The following KIF26B variants were observed in gnomAD, a reference collection of about 807,000 sequenced individuals.
KIF26B encodes the protein kinesin-like protein KIF26B.
Under a neutral mutation model 151.2 loss-of-function variants are expected in KIF26B, and 63 were observed. The observed-to-expected ratio is 0.42, with a 90% CI of 0.34 to 0.51. The LOEUF (loss-of-function observed/expected upper bound fraction) is 0.51. KIF26B is among the 20% of genes least tolerant of loss of function. KIF26B has a pLI of 0.07. For synonymous variants in KIF26B, 1,357 were observed against 1,262.1 expected, an observed-to-expected ratio of 1.08 and a Z score of -1.59; for missense variants, 2,813 against 2,913.6, an observed-to-expected ratio of 0.97 and a Z score of 0.79.
intron 2 of KIF26B, among the ~76,000 whole-genome samples, chr1:245,193,030 C>CAAAA (rs1669136957): frequency 2.0e-5 from 3 of 152,206 alleles, no homozygotes; most frequent in African/African-American, 7.2e-5. Context: ...TTTTGAGACT[C>CAAAA]ACCCTTCTCT....
At chr1:245,286,798 T>G (rs1332840042) in intron 2 of KIF26B, among the ~76,000 whole-genome samples, 1 of 152,122 alleles carries the variant, frequency 6.6e-6, no homozygotes, top group Non-Finnish European at 1.5e-5. Flanking sequence ...TCCAAAACAT[T>G]AAAAATTTCA....
intron 5 of KIF26B, among the ~76,000 whole-genome samples, chr1:245,561,479 G>A (rs1483431749): frequency 6.6e-6 from 1 of 152,214 alleles, no homozygotes; most frequent in African/African-American, 2.4e-5. Flanking sequence ...CTTCTTACCT[G>A]TAATTCTGAC....
At chr1:245,380,767 C>T (rs1024033931) in intron 3 of KIF26B, among the ~76,000 whole-genome samples, 1 of 152,062 alleles carries the variant, frequency 6.6e-6, no homozygotes, top group South Asian at 2.1e-4. Context: ...GAGGGTTACC[C>T]ACCGCACACA....
At chr1:245,629,675 T>C (rs115759069) in intron 9 of KIF26B, among the ~76,000 whole-genome samples, 4,375 of 152,204 alleles carry the variant, frequency 0.029, 211 homozygotes, top group African/African-American at 0.099. Context: ...AGCCAGGACA[T>C]AGGCAGAGGC....
intron 2 of KIF26B, among the ~76,000 whole-genome samples, chr1:245,165,331 AGT>A (rs1668598447): frequency 6.6e-6 from 1 of 152,138 alleles, no homozygotes; most frequent in African/African-American, 2.4e-5. Flanking sequence ...GGCCAGGGAA[AGT>A]GTGTGGGTGG....
At position 245,208,626 on chromosome 1, in the gene KIF26B, G is replaced by A. The variant is rs189978667; in HGVS notation, c.465+51943G>A. On this transcript the variant is annotated intron_variant, in intron 2 of 14. Coordinates refer to ENST00000407071, the MANE Select transcript of KIF26B (RefSeq NM_018012.4). The stretch of plus-strand genomic sequence containing the variant: ...AAGCGGATGTCGATAGTGAGAAAAC[G>A]AGACTTCTTTGCCTTTCCTTTGCTT... Among the ~76,000 whole-genome samples the A allele has an allele frequency of 2.3e-3, 354 of 152,316 alleles. 4 individuals carry two copies. Among genetic ancestry groups the A allele is most frequent in the African/African-American group, 8.0e-3 (332 of 41,570 alleles).
intron 5 of KIF26B, among the ~76,000 whole-genome samples, chr1:245,567,279 A>G (rs2043019220): frequency 6.6e-6 from 1 of 152,168 alleles, no homozygotes; most frequent in African/African-American, 2.4e-5. Flanking sequence ...GATTTATTCC[A>G]TTGTGTGGAA....
chr1:245,578,410 T>C (rs2043145791), intron 5 of KIF26B, among the ~76,000 whole-genome samples: 1 of 152,230 alleles, frequency 6.6e-6, no homozygotes, highest in Non-Finnish European at 1.5e-5. Flanking sequence ...CACTTTTGCT[T>C]AAGCTGTAAC....
chr1:245,514,260 C>T (rs971655124), intron 4 of KIF26B, among the ~76,000 whole-genome samples: 1 of 152,282 alleles, frequency 6.6e-6, no homozygotes, highest in African/African-American at 2.4e-5. Flanking sequence ...GGCGCAGTGG[C>T]TCACACCTGT....
At position 245,255,535 on chromosome 1, in the gene KIF26B, T is replaced by C. The variant is rs558487784; in HGVS notation, c.465+98852T>C. Reference sequence around the variant, plus strand: ...ATTCTCAAAAGCACTTTGTACATCATGTGATTTGTATGTTTTTTGCTTGGT... The same window carrying C: ...ATTCTCAAAAGCACTTTGTACATCACGTGATTTGTATGTTTTTTGCTTGGT... On this transcript the variant is annotated intron_variant, in intron 2 of 14. Transcript: ENST00000407071. Among the ~76,000 whole-genome samples, 9 of 152,340 alleles carry C rather than the reference T, an allele frequency of 5.9e-5. No homozygotes were observed. In the South Asian group the frequency reaches 1.9e-3, roughly 32 times the overall value.
chr1:245,623,034 T>G (rs1467605420), intron 9 of KIF26B, among the ~76,000 whole-genome samples: 7 of 149,264 alleles, frequency 4.7e-5, no homozygotes, highest in Non-Finnish European at 1.0e-4. Context: ...AAGTTTTTTT[T>G]TTTTTTTTTT....
At chr1:245,550,147 CGT>C (rs1661843815) in intron 5 of KIF26B, among the ~76,000 whole-genome samples, 1 of 152,292 alleles carries the variant, frequency 6.6e-6, no homozygotes, top group East Asian at 1.9e-4. Flanking sequence ...CCTCAGTCTG[CGT>C]CTGTGTTCTG....
chr1:245,409,162 A>T (rs970510188), intron 3 of KIF26B, among the ~76,000 whole-genome samples: 22 of 152,256 alleles, frequency 1.4e-4, no homozygotes, highest in South Asian at 4.1e-4. Flanking sequence ...ATTCACATGC[A>T]TATGTGCAAA....
chr1:245,659,765 G>A (rs768240608), intron 10 of KIF26B, among the ~76,000 whole-genome samples: 2 of 152,104 alleles, frequency 1.3e-5, no homozygotes, highest in Admixed American at 6.5e-5. Flanking sequence ...TAGGCCGGGC[G>A]CGGTGGCTCA....
At chr1:245,543,389 C>G (rs760381252) in intron 5 of KIF26B, among the ~76,000 whole-genome samples, 12 of 152,204 alleles carry the variant, frequency 7.9e-5, no homozygotes, top group Non-Finnish European at 1.0e-4. Context: ...GTTTGCATTT[C>G]ACACTTTTTT....
At chr1:245,556,186 A>G (rs916928138) in intron 5 of KIF26B, among the ~76,000 whole-genome samples, 4 of 151,214 alleles carry the variant, frequency 2.6e-5, no homozygotes, top group Admixed American at 2.0e-4. Context: ...AAAATGCCCA[A>G]ATTTTAGCAC....
chr1:245,347,873 A>G (rs1380799518), intron 2 of KIF26B, among the ~76,000 whole-genome samples: 2 of 152,218 alleles, frequency 1.3e-5, no homozygotes, highest in African/African-American at 4.8e-5. Flanking sequence ...GGCACCTACT[A>G]TGTGCCAGTT....
chr1:245,680,406 C>A (rs889200531), intron 10 of KIF26B, among the ~76,000 whole-genome samples: 7 of 152,210 alleles, frequency 4.6e-5, no homozygotes, highest in African/African-American at 1.7e-4. Flanking sequence ...GCCGCTGCTT[C>A]TTTCCACAAT....
chr1:245,585,848 C>T (rs2043218818), intron 5 of KIF26B, among the ~76,000 whole-genome samples: 2 of 151,986 alleles, frequency 1.3e-5, no homozygotes, highest in Admixed American at 6.6e-5. Context: ...TGCATACAGC[C>T]GACTCTTAAC....
Sources: gnomAD v4.1 joint callset for allele counts (sites outside exome capture counted in the v4.1 genomes callset) on GRCh38, gnomAD v4.1.1 for gene constraint, MANE v1.5 for transcripts, NCBI Gene and HGNC (gene_info 2026-07-23, HGNC 2026-07-21) for gene names.